Variants in EPS15L1 observed in about 807,000 individuals in gnomAD.
EPS15L1 encodes the protein epidermal growth factor receptor substrate 15-like 1.
A neutral mutation model predicts 117.1 loss-of-function variants in EPS15L1; 43 were observed. The observed-to-expected ratio is 0.37, with a 90% confidence interval of 0.29 to 0.47. EPS15L1 has a LOEUF of 0.47. Ranked by LOEUF, EPS15L1 falls within the 20% of genes least tolerant of loss-of-function variation. The probability of loss-of-function intolerance (pLI) is 0.99; values close to 1 mark genes in which losing one functional copy is unlikely to be tolerated. For missense variants in EPS15L1, 981 were observed against 1,164.0 expected, an observed-to-expected ratio of 0.84 and a Z score of 2.29; for synonymous variants, 459 against 470.5, an observed-to-expected ratio of 0.98 and a Z score of 0.32.
chr19:16,437,774 T>G lies in EPS15L1; in HGVS notation c.305A>C (p.Lys102Thr). The change falls in exon 5 of 24, where the codon AAA becomes ACA. Residue 102 changes from lysine to threonine, a missense_variant. This residue lies in a region of EPS15L1 where 52 missense variants were observed against 53.1 expected (regional missense o/e 0.98). Transcript: ENST00000455140. ...TTGAAGGACTTGGACACTCACAAAT[T>G]TAGGCGGTGGCATGCTCAAATTCAG... Reference protein sequence around the residue: ...SNLNLSMPPPKFHDTSSPLMV... With the variant: ...SNLNLSMPPPTFHDTSSPLMV... The G allele has an allele frequency of 6.2e-7, 1 of 1,613,582 alleles. No homozygotes were observed. The highest frequency in any genetic ancestry group is 8.5e-7 in the Non-Finnish European group (1 of 1,179,600).
chr19:16,360,867 G>A (rs2092041269), intron 23 of EPS15L1, among the ~76,000 whole-genome samples: 1 of 152,172 alleles, frequency 6.6e-6, no homozygotes, highest in African/African-American at 2.4e-5. Flanking sequence ...TGTGTTCAAA[G>A]AGCCATCCCA....
intron 22 of EPS15L1, among the ~76,000 whole-genome samples, chr19:16,366,273 G>A (rs1283392432): frequency 2.6e-5 from 4 of 152,084 alleles, no homozygotes; most frequent in Non-Finnish European, 4.4e-5. Flanking sequence ...GGTGTAAAGG[G>A]AGGACGCCCC....
At chr19:16,418,818 G>C (rs2092785731) in intron 10 of EPS15L1, among the ~76,000 whole-genome samples, 1 of 152,202 alleles carries the variant, frequency 6.6e-6, no homozygotes, top group Admixed American at 6.5e-5. Context: ...ACGGCAAGCA[G>C]GTGGCCGTCT....
intron 1 of EPS15L1, among the ~76,000 whole-genome samples, chr19:16,461,921 C>T (rs2093256615): frequency 6.6e-6 from 1 of 152,208 alleles, no homozygotes; most frequent in Non-Finnish European, 1.5e-5. Flanking sequence ...CTCCTGGCTG[C>T]TGTTCCAAGT....
chr19:16,459,214 C>T (rs188748183), intron 1 of EPS15L1, among the ~76,000 whole-genome samples: 218 of 152,320 alleles, frequency 1.4e-3, no homozygotes, highest in African/African-American at 4.9e-3. Flanking sequence ...TGCTTGGGGC[C>T]GCTGCCTGCT....
chr19:16,374,356 C>A (rs539205894), intron 22 of EPS15L1, among the ~76,000 whole-genome samples: 16 of 152,192 alleles, frequency 1.1e-4, no homozygotes, highest in Non-Finnish European at 2.1e-4. Context: ...CACAGCAGAA[C>A]AAAGATGCAG....
intron 22 of EPS15L1, among the ~76,000 whole-genome samples, chr19:16,374,288 G>A (rs1177099159): frequency 2.0e-5 from 3 of 152,176 alleles, no homozygotes; most frequent in African/African-American, 7.2e-5. Context: ...CACTTCCTAA[G>A]GGCCCATCAA....
chr19:16,361,800 C>T lies in EPS15L1; in HGVS notation c.2565G>A (p.Ser855=), dbSNP rs748219359. 3.1e-6 allele frequency: 5 copies of T among 1,613,382 alleles called. No homozygotes were observed. The highest frequency in any genetic ancestry group is 2.5e-6 in the Non-Finnish European group (3 of 1,179,828). ...SAAKPSKASA[S]GFADFTSFGN... ...TTACAGAGGTGAAGTCTGCAAAGCC[C>T]GAGGCAGAGGCCTTAGAAGGTTTAG... is the stretch of plus-strand genomic sequence containing the variant. Residue 855 remains serine, a synonymous_variant, in exon 23 of 24, where the codon TCG becomes TCA. Coordinates refer to ENST00000455140, the MANE Select transcript of EPS15L1 (RefSeq NM_001258374.3).
chr19:16,400,596 C>G (rs955651350), intron 16 of EPS15L1: 6 of 970,140 alleles, frequency 6.2e-6, no homozygotes, highest in Admixed American at 6.2e-5. Context: ...ATCTCTCTTC[C>G]AAGTATTTAT....
At chr19:16,390,814 A>G (rs957647931) in intron 19 of EPS15L1, among the ~76,000 whole-genome samples, 1 of 152,236 alleles carries the variant, frequency 6.6e-6, no homozygotes, top group Admixed American at 6.5e-5. Context: ...ATGAAGAGAT[A>G]AAGTATTCAA....
chr19:16,408,061 A>G (rs1440772345), intron 13 of EPS15L1, among the ~76,000 whole-genome samples: 3 of 152,188 alleles, frequency 2.0e-5, no homozygotes, highest in African/African-American at 7.2e-5. Context: ...GGATAAGGGA[A>G]GGGAAGATGG....
intron 3 of EPS15L1, 94 bp from the exon 4 acceptor site, chr19:16,441,003 T>G: frequency 8.2e-7 from 1 of 1,224,074 alleles, no homozygotes; most frequent in Non-Finnish European, 1.2e-6. Flanking sequence ...TCACTGGCCT[T>G]GCGGGGCAGG....
intron 20 of EPS15L1, 106 bp downstream of exon 20, chr19:16,386,065 C>T (rs902638152): frequency 4.5e-6 from 4 of 891,580 alleles, no homozygotes; most frequent in African/African-American, 1.7e-5. Flanking sequence ...ACTGATGACA[C>T]AAACACAGAG....
chr19:16,365,365 G>A lies in EPS15L1; in HGVS notation c.2381-3381C>T, dbSNP rs1006486916. Among the ~76,000 whole-genome samples the A allele has an allele frequency of 1.3e-5, 2 of 152,166 alleles. No homozygotes were observed. The highest frequency in any genetic ancestry group is 4.8e-5 in the African/African-American group (2 of 41,430). On this transcript the variant is annotated intron_variant, in intron 22 of 23. Coordinates refer to ENST00000455140, the MANE Select transcript of EPS15L1 (RefSeq NM_001258374.3). The surrounding 1 kb of genome is among the most constrained non-coding windows in gnomAD (Gnocchi z 4.9). Reference sequence around the variant, plus strand: ...TAACTGAGTTAAAACGAAGTCAAAGGATCAATGACTGTCTTCACTGAAAGA... The same window carrying A: ...TAACTGAGTTAAAACGAAGTCAAAGAATCAATGACTGTCTTCACTGAAAGA...
intron 1 of EPS15L1, among the ~76,000 whole-genome samples, chr19:16,464,828 A>C (rs549491511): frequency 1.3e-5 from 2 of 152,208 alleles, no homozygotes; most frequent in African/African-American, 2.4e-5. Context: ...TCACGCCTGT[A>C]ATCCCAGCAC....
chr19:16,361,972 G>A lies in EPS15L1; in HGVS notation c.2393C>T (p.Pro798Leu). The A allele has an allele frequency of 2.5e-6, 4 of 1,600,556 alleles. No homozygotes were observed. The highest frequency in any genetic ancestry group is 2.6e-6 in the Non-Finnish European group (3 of 1,175,106). The part of the protein sequence containing the change: ...RPKPPSGKST[P>L]VSQLGSADFP... ...GTCTGCGGAACCAAGCTGGCTTACA[G>A]GTGTACTTTTACCTGGAAAGTTTAG... The change falls in exon 23 of 24, where the codon CCT becomes CTT. Residue 798 changes from proline (P) to leucine (L), a missense_variant. Transcript: ENST00000455140.
chr19:16,386,080 C>T (rs2092417973), intron 20 of EPS15L1, 91 bp downstream of exon 20: 13 of 1,008,000 alleles, frequency 1.3e-5, no homozygotes, highest in East Asian at 5.2e-5. Context: ...ACAGAGGCCA[C>T]GCTGGCTTTG....
intron 3 of EPS15L1, 176 bp from the exon 4 acceptor site, chr19:16,441,085 G>A (rs960759852): frequency 1.9e-5 from 13 of 678,488 alleles, no homozygotes; most frequent in Admixed American, 8.7e-5. Flanking sequence ...GCCCAGGGGC[G>A]CACAGCCAGT....
intron 4 of EPS15L1, among the ~76,000 whole-genome samples, chr19:16,438,092 T>A (rs1023116450): frequency 3.9e-5 from 6 of 152,072 alleles, no homozygotes; most frequent in African/African-American, 1.4e-4. Flanking sequence ...GTGGCTCATG[T>A]CTGTAATCCT....
Sources: allele counts gnomAD v4.1 joint callset (sites outside exome capture counted in the v4.1 genomes callset), GRCh38; gene constraint gnomAD v4.1.1; regional missense constraint gnomAD v4.1.1; non-coding constraint Gnocchi (gnomAD v3.1); transcripts MANE v1.5; gene names NCBI Gene and HGNC (gene_info 2026-07-23, HGNC 2026-07-21).